TOR1AIP1: variants seen among roughly 807,000 people sequenced by gnomAD.
TOR1AIP1 encodes torsin-1A-interacting protein 1.
TOR1AIP1 carries 54 observed loss-of-function variants against 63.3 expected under a neutral mutation model. The observed-to-expected ratio is 0.85, with a 90% CI of 0.69 to 1.07. The LOEUF (loss-of-function observed/expected upper bound fraction) is 1.07. Among genes scored for constraint, TOR1AIP1 ranks in the 50% least tolerant of loss-of-function variants. The pLI, the probability that TOR1AIP1 is intolerant of heterozygous loss-of-function variation, is 0.00. For synonymous variants in TOR1AIP1, 294 were observed against 273.5 expected (o/e 1.07, Z -0.74); for missense variants, 736 against 715.0 (o/e 1.03, Z -0.33).
chr1:179,893,480 A>AT (rs1208546046), intron 3 of TOR1AIP1, among the ~76,000 whole-genome samples: 1 of 151,878 alleles, frequency 6.6e-6, no homozygotes, highest in Non-Finnish European at 1.5e-5. Context: ...TCAATCTGTC[A>AT]CCCACGCTGG....
At chr1:179,888,031 G>A (rs1647960525) in intron 2 of TOR1AIP1, 2 of 152,102 alleles carry the variant, frequency 1.3e-5, no homozygotes, top group South Asian at 4.1e-4. Flanking sequence ...CTTGGCTATG[G>A]GATATGTATA....
intron 2 of TOR1AIP1, 114 bp downstream of exon 2, chr1:179,884,883 TC>T (rs776419196): frequency 4.2e-6 from 3 of 707,670 alleles, no homozygotes; most frequent in Non-Finnish European, 6.8e-6. Context: ...ACGTGAGTAC[TC>T]AAGAGTACCA....
At chr1:179,883,325 T>G (rs946746659) in intron 1 of TOR1AIP1, among the ~76,000 whole-genome samples, 1 of 152,172 alleles carries the variant, frequency 6.6e-6, no homozygotes, top group African/African-American at 2.4e-5. Flanking sequence ...TTCATTTCGG[T>G]TCCCTCTACC....
chr1:179,908,558 C>A lies in TOR1AIP1; in HGVS notation c.839-47C>A, dbSNP rs186347670. 4,736 of 1,508,986 alleles carry A rather than the reference C, an allele frequency of 3.1e-3. 10 individuals carry two copies. The highest frequency in any genetic ancestry group is 3.2e-3 in the Non-Finnish European group (3,537 of 1,092,746). The allele number at this position is 1,508,986 out of a possible 1,614,324, so 93.5% of individuals were successfully genotyped here. On this transcript the variant is annotated intron_variant, in intron 7 of 9. Transcript: ENST00000606911. ...TTATAACACTGGAATATGGTATAAA[C>A]TTTCAAAGTATGGGAAATTATCTTT...
At chr1:179,900,011 G>T (rs1648399836) in intron 3 of TOR1AIP1, 115 bp from the exon 4 acceptor site, 1 of 708,812 alleles carries the variant, frequency 1.4e-6, no homozygotes. Flanking sequence ...TCCTAAACGA[G>T]ATGCTCTTTT....
intron 3 of TOR1AIP1, among the ~76,000 whole-genome samples, chr1:179,895,026 A>G (rs1313351645): frequency 1.3e-5 from 2 of 152,258 alleles, no homozygotes; most frequent in Admixed American, 1.3e-4. Context: ...AAGTGGCACA[A>G]TTAATGCTTG....
intron 2 of TOR1AIP1, among the ~76,000 whole-genome samples, chr1:179,887,397 T>TAA (rs879888903): frequency 1.4e-5 from 2 of 144,716 alleles, no homozygotes; most frequent in African/African-American, 5.1e-5. Context: ...AGAGTCCGTC[T>TAA]AAAAAAAAAA....
intron 6 of TOR1AIP1, among the ~76,000 whole-genome samples, chr1:179,904,461 C>T (rs1314131938): frequency 6.6e-6 from 1 of 152,016 alleles, no homozygotes; most frequent in East Asian, 1.9e-4. Flanking sequence ...AAGTTAATGG[C>T]AAGCTTGGTT....
intron 6 of TOR1AIP1, among the ~76,000 whole-genome samples, chr1:179,907,619 GTA>G (rs938816970): frequency 1.3e-4 from 2 of 15,516 alleles, no homozygotes; most frequent in Non-Finnish European, 3.2e-4. Context: ...ATATATATAT[GTA>G]TATATATGTA....
intron 3 of TOR1AIP1, among the ~76,000 whole-genome samples, chr1:179,897,795 TATTC>T (rs1485502495): frequency 6.6e-6 from 1 of 152,200 alleles, no homozygotes; most frequent in Non-Finnish European, 1.5e-5. Flanking sequence ...GCCGTTTCTT[TATTC>T]ATCTATTCAA....
intron 3 of TOR1AIP1, among the ~76,000 whole-genome samples, chr1:179,898,747 A>C (rs1174763731): frequency 6.6e-6 from 1 of 152,120 alleles, no homozygotes; most frequent in Non-Finnish European, 1.5e-5. Context: ...TCTTAAAAAA[A>C]ATTTTTTTCG....
chr1:179,907,609 ATATATATATG>A (rs1197348554), intron 6 of TOR1AIP1, among the ~76,000 whole-genome samples: 22 of 23,396 alleles, frequency 9.4e-4, no homozygotes, highest in African/African-American at 2.2e-3. Flanking sequence ...ATATATATAT[ATATATATATG>A]TATATATATG....
In TOR1AIP1 at chr1:179,918,234, T is replaced by C. The variant is rs974924579; in HGVS notation, c.1747T>C (p.Leu583=). The C allele has an allele frequency of 6.3e-7, 1 of 1,583,636 alleles. No homozygotes were observed. The highest frequency in any genetic ancestry group is 8.5e-7 in the Non-Finnish European group (1 of 1,172,906). The change falls in exon 10 of 10, where the codon TTA becomes CTA. Residue 583 remains leucine, a synonymous_variant. Coordinates refer to ENST00000606911, the MANE Select transcript of TOR1AIP1 (RefSeq NM_015602.4). ...PENALKRGIC[L] is the part of the protein sequence containing the mutation. ...AAATGCCCTGAAAAGGGGCATCTGC[T>C]TATAAGAAGTGAGAGAGAAGAAAAA... is the stretch of plus-strand genomic sequence containing the variant.
At chr1:179,913,958 G>A (rs1233540559) in intron 8 of TOR1AIP1, 40 bp from the exon 9 acceptor site, 2 of 1,534,944 alleles carry the variant, frequency 1.3e-6, no homozygotes, top group Non-Finnish European at 1.8e-6. Flanking sequence ...AAATTATGAA[G>A]CATAAGTTGA....
At position 179,882,461 on chromosome 1, in the gene TOR1AIP1, A is replaced by G. The variant is rs1333675475; in HGVS notation, c.-42A>G. On this transcript the variant is annotated 5_prime_UTR_variant, in exon 1 of 10. Coordinates refer to ENST00000606911, the MANE Select transcript of TOR1AIP1 (RefSeq NM_015602.4). ...CCACCGGCAGGAGAACCTAGGGTCC[A>G]TAAAGCCATCTTCGCGATCGACTAA... The G allele has an allele frequency of 8.5e-6, 12 of 1,415,336 alleles. No individual in the cohort carries two copies. In the Admixed American group the frequency reaches 3.9e-4, roughly 46 times the overall value. 87.7% of individuals were successfully genotyped at this position (1,415,336 alleles called of 1,614,324 possible). A position where few individuals can be genotyped will look rare whatever the true frequency, so the allele number is the denominator to read the frequency against.
intron 3 of TOR1AIP1, among the ~76,000 whole-genome samples, chr1:179,892,331 C>CGTG (rs1488508687): frequency 4.8e-5 from 3 of 62,648 alleles, no homozygotes; most frequent in Non-Finnish European, 9.8e-5. Context: ...ATTAGCCAGG[C>CGTG]GTGGTGGTGC....
intron 7 of TOR1AIP1, among the ~76,000 whole-genome samples, chr1:179,908,346 G>A (rs1387080413): frequency 6.6e-6 from 1 of 152,148 alleles, no homozygotes; most frequent in Non-Finnish European, 1.5e-5. Context: ...ATATGGAAAT[G>A]TGTTCAGGGC....
intron 8 of TOR1AIP1, among the ~76,000 whole-genome samples, chr1:179,911,784 T>C (rs950526585): frequency 1.3e-5 from 2 of 152,144 alleles, no homozygotes; most frequent in Non-Finnish European, 2.9e-5. Context: ...ATTATTGTAA[T>C]GAGCTTATAT....
In TOR1AIP1 at chr1:179,907,682, A is replaced by G. The variant is rs1014900652; in HGVS notation, c.797-141A>G. On this transcript the variant is annotated intron_variant, in intron 6 of 9. Transcript: ENST00000606911. The stretch of plus-strand genomic sequence containing the variant: ...ATATATATATACTTTATATATTTAT[A>G]TGCTTGGAATTGATGAGAGAATGTT... The G allele has an allele frequency of 4.0e-5, 13 of 325,918 alleles. No homozygotes were observed. The South Asian group carries it at 8.2e-4, about 20-fold the overall frequency. The allele number at this position is 325,918 out of a possible 1,614,324, so 20.2% of individuals were successfully genotyped here. A position where few individuals can be genotyped will look rare whatever the true frequency, so the allele number is the denominator to read the frequency against.
Sources: gnomAD v4.1 joint callset for allele counts (sites outside exome capture counted in the v4.1 genomes callset) on GRCh38, gnomAD v4.1.1 for gene constraint, MANE v1.5 for transcripts, NCBI Gene and HGNC (gene_info 2026-07-23, HGNC 2026-07-21) for gene names.